SPMAP2L: variants seen among roughly 807,000 people sequenced by gnomAD.
SPMAP2L encodes the protein sperm microtubule associated protein 2 like.
chr4:56,595,826 T>A, the SPMAP2L span: 2 of 756,110 alleles, frequency 2.6e-6, no homozygotes, highest in Non-Finnish European at 4.9e-6. Context: ...AGGAGTTTTA[T>A]ATACTGTGTA....
the SPMAP2L span, among the ~76,000 whole-genome samples, chr4:56,588,330 C>T: frequency 6.6e-6 from 1 of 152,096 alleles, no homozygotes; most frequent in African/African-American, 2.4e-5. Context: ...TAAGTCTCAG[C>T]TATTTATCTT....
the SPMAP2L span, chr4:56,593,330 A>T: frequency 8.9e-7 from 1 of 1,129,624 alleles, no homozygotes; most frequent in South Asian, 1.2e-5. Flanking sequence ...CCCCATTGCC[A>T]CCCACAGACA....
chr4:56,602,344 T>A, the SPMAP2L span, among the ~76,000 whole-genome samples: 2 of 152,066 alleles, frequency 1.3e-5, no homozygotes, highest in African/African-American at 4.8e-5. Flanking sequence ...AATGTGTTTA[T>A]CCTTTAAAAA....
chr4:56,592,113 A>G, the SPMAP2L span, among the ~76,000 whole-genome samples: 9 of 152,366 alleles, frequency 5.9e-5, no homozygotes, highest in South Asian at 1.0e-3. Flanking sequence ...CAGCAGTGGC[A>G]TTAGATTCTC....
At chr4:56,550,316 C>T in the SPMAP2L span, among the ~76,000 whole-genome samples, 2 of 151,934 alleles carry the variant, frequency 1.3e-5, no homozygotes, top group Non-Finnish European at 2.9e-5. Flanking sequence ...GATTTTTCCC[C>T]CTTCCTTATT....
chr4:56,620,243 T>C, the SPMAP2L span, among the ~76,000 whole-genome samples: 5 of 152,266 alleles, frequency 3.3e-5, no homozygotes, highest in Admixed American at 1.3e-4. Context: ...TCTAAATGAG[T>C]TACTGTTGTC....
the SPMAP2L span, among the ~76,000 whole-genome samples, chr4:56,537,567 C>G: frequency 6.6e-6 from 1 of 152,208 alleles, no homozygotes; most frequent in African/African-American, 2.4e-5. Context: ...CCTTCAAGTA[C>G]AATGCACCCA....
the SPMAP2L span, chr4:56,593,761 G>A: frequency 1.3e-6 from 2 of 1,571,728 alleles, no homozygotes; most frequent in Non-Finnish European, 1.8e-6. Context: ...TTCAAACCAG[G>A]GAGCAACACA....
At chr4:56,569,746 A>G in the SPMAP2L span, among the ~76,000 whole-genome samples, 446 of 152,198 alleles carry the variant, frequency 2.9e-3, 4 homozygotes, top group African/African-American at 9.9e-3. Flanking sequence ...GGTCGAGGCC[A>G]TGATTGCATC....
the SPMAP2L span, among the ~76,000 whole-genome samples, chr4:56,550,963 A>G: frequency 6.6e-6 from 1 of 152,126 alleles, no homozygotes; most frequent in South Asian, 2.1e-4. Flanking sequence ...TAACAGAAAA[A>G]AAAAAAAGGC....
At chr4:56,600,097 C>CTTTCT in the SPMAP2L span, among the ~76,000 whole-genome samples, 1 of 87,804 alleles carries the variant, frequency 1.1e-5, no homozygotes, top group African/African-American at 5.1e-5. Context: ...TCTTTGCTTT[C>CTTTCT]TTTTTTTTTT....
chr4:56,560,896 C>T, the SPMAP2L span, among the ~76,000 whole-genome samples: 2 of 151,944 alleles, frequency 1.3e-5, no homozygotes, highest in African/African-American at 4.8e-5. Context: ...CAGGTGTGAG[C>T]CACCATGTCT....
the SPMAP2L span, chr4:56,531,124 C>G: frequency 2.0e-6 from 3 of 1,535,204 alleles, no homozygotes; most frequent in East Asian, 2.4e-5. Context: ...CTCCCCCTCT[C>G]TGATCACCAG....
the SPMAP2L span, among the ~76,000 whole-genome samples, chr4:56,537,940 G>A: frequency 3.0e-4 from 46 of 152,098 alleles, 1 homozygote; most frequent in Admixed American, 5.2e-4. Context: ...TGATCTGCCC[G>A]CCTCGGCCCC....
chr4:56,563,974 C>T, the SPMAP2L span, among the ~76,000 whole-genome samples: 13 of 152,106 alleles, frequency 8.5e-5, no homozygotes, highest in African/African-American at 2.9e-4. Context: ...CCAATGAAGT[C>T]GTCTGGGCCT....
chr4:56,610,074 C>T, the SPMAP2L span, among the ~76,000 whole-genome samples: 1 of 152,114 alleles, frequency 6.6e-6, no homozygotes, highest in African/African-American at 2.4e-5. Flanking sequence ...ATACCACCAT[C>T]ATTCTTCACA....
At chr4:56,575,775 A>G in the SPMAP2L span, 3 of 846,890 alleles carry the variant, frequency 3.5e-6, no homozygotes, top group Non-Finnish European at 5.2e-6. Flanking sequence ...CAGGTAAAAA[A>G]TCAAATATTT....
At chr4:56,546,438 G>T in the SPMAP2L span, among the ~76,000 whole-genome samples, 6 of 152,288 alleles carry the variant, frequency 3.9e-5, no homozygotes, top group African/African-American at 1.2e-4. Context: ...CTTCCCCAGA[G>T]ATTGTGACTT....
the SPMAP2L span, among the ~76,000 whole-genome samples, chr4:56,608,564 G>A: frequency 6.6e-6 from 1 of 152,182 alleles, no homozygotes; most frequent in African/African-American, 2.4e-5. Flanking sequence ...GTGGGACCTT[G>A]GGGCCCACTT....
Sources: allele counts gnomAD v4.1 joint callset (sites outside exome capture counted in the v4.1 genomes callset), GRCh38; gene constraint gnomAD v4.1.1; transcripts MANE v1.5; gene names NCBI Gene and HGNC (gene_info 2026-07-23, HGNC 2026-07-21).